The following COP1 variants were observed in gnomAD, a reference collection of about 807,000 sequenced individuals.
COP1 encodes the protein COP1 E3 ubiquitin ligase.
Under a neutral mutation model 101.3 loss-of-function variants are expected in COP1, and 24 were observed. The ratio of observed to expected loss-of-function variants is 0.24; its 90% CI spans 0.17 to 0.33. The LOEUF is 0.33. Ranked by LOEUF, COP1 falls within the 10% of genes least tolerant of loss-of-function variation. The pLI, the probability that COP1 is intolerant of heterozygous loss-of-function variation, is 1.00. For missense variants in COP1, 663 were observed against 906.2 expected, an observed-to-expected ratio of 0.73 and a Z score of 3.45; for synonymous variants, 347 against 341.9, an observed-to-expected ratio of 1.01 and a Z score of -0.17.
At chr1:175,985,613 C>A (rs1275176756) in intron 18 of COP1, among the ~76,000 whole-genome samples, 1 of 152,170 alleles carries the variant, frequency 6.6e-6, no homozygotes, top group Non-Finnish European at 1.5e-5. Flanking sequence ...TTTCACCCAC[C>A]CCACCAGAAC....
At chr1:176,116,709 T>C in intron 8 of COP1, 28 bp from the exon 9 acceptor site, 1 of 1,490,794 alleles carries the variant, frequency 6.7e-7, no homozygotes, top group Non-Finnish European at 9.3e-7. Flanking sequence ...AAAAATGTGA[T>C]TTCAGTATTT....
chr1:176,086,663 T>C (rs1201490411), intron 9 of COP1, among the ~76,000 whole-genome samples: 1 of 152,100 alleles, frequency 6.6e-6, no homozygotes, highest in African/African-American at 2.4e-5. Context: ...AGAATCAATA[T>C]TGTGAAAATG....
chr1:175,966,118 G>A (rs1158341875), intron 18 of COP1, among the ~76,000 whole-genome samples: 1 of 151,984 alleles, frequency 6.6e-6, no homozygotes, highest in Non-Finnish European at 1.5e-5. Flanking sequence ...AGTTGACTTG[G>A]TAAAAATATA....
intron 11 of COP1, among the ~76,000 whole-genome samples, chr1:176,066,877 C>T (rs1676079212): frequency 6.6e-6 from 1 of 151,964 alleles, no homozygotes; most frequent in Non-Finnish European, 1.5e-5. Flanking sequence ...GTGATTGATC[C>T]CCTCCGCCCT....
At chr1:176,064,954 C>A (rs1675650340) in intron 11 of COP1, among the ~76,000 whole-genome samples, 1 of 152,106 alleles carries the variant, frequency 6.6e-6, no homozygotes, top group Admixed American at 6.6e-5. Context: ...TAGTAGCTAC[C>A]ACTTCTTGCT....
chr1:176,156,090 G>A (rs113046806), intron 5 of COP1, among the ~76,000 whole-genome samples: 2,572 of 151,774 alleles, frequency 0.017, 67 homozygotes, highest in African/African-American at 0.058. Context: ...AAATAACAAT[G>A]TTTTAAAAAA....
At chr1:176,116,592 G>A in intron 9 of COP1, 32 bp downstream of exon 9, 1 of 1,505,100 alleles carries the variant, frequency 6.6e-7, no homozygotes, top group East Asian at 2.3e-5. Flanking sequence ...TATACTCATG[G>A]TATCATTAAA....
intron 11 of COP1, among the ~76,000 whole-genome samples, chr1:176,056,598 A>G (rs1673540022): frequency 6.6e-6 from 1 of 152,116 alleles, no homozygotes; most frequent in African/African-American, 2.4e-5. Context: ...CACAGTTTGA[A>G]GTTTTCAGAA....
At chr1:176,030,642 T>C (rs1423070332) in intron 14 of COP1, among the ~76,000 whole-genome samples, 1 of 152,146 alleles carries the variant, frequency 6.6e-6, no homozygotes, top group African/African-American at 2.4e-5. Flanking sequence ...ATATAAGATA[T>C]TAGAATTCAA....
intron 18 of COP1, among the ~76,000 whole-genome samples, chr1:175,952,760 A>C (rs1206361316): frequency 6.6e-6 from 1 of 152,032 alleles, no homozygotes; most frequent in East Asian, 1.9e-4. Context: ...AATAAAAAAA[A>C]ACATTAACCA....
chr1:176,052,813 A>G (rs1672796246), intron 11 of COP1, among the ~76,000 whole-genome samples: 1 of 152,188 alleles, frequency 6.6e-6, no homozygotes, highest in Non-Finnish European at 1.5e-5. Flanking sequence ...ATGAGATGAC[A>G]TCATATATAC....
chr1:175,984,916 T>G (rs1249856664), intron 18 of COP1, among the ~76,000 whole-genome samples: 1 of 152,218 alleles, frequency 6.6e-6, no homozygotes. Context: ...GCCTATATTC[T>G]CTTCATATCT....
chr1:176,160,255 CTTTTTTTTTT>C (rs67600151), intron 5 of COP1: 25 of 238,836 alleles, frequency 1.0e-4, no homozygotes, highest in Admixed American at 2.7e-4. Context: ...CCACACACAT[CTTTTTTTTTT>C]TTTTTTTTTT....
At chr1:176,150,506 G>C (rs957416358) in intron 5 of COP1, among the ~76,000 whole-genome samples, 2 of 152,150 alleles carry the variant, frequency 1.3e-5, no homozygotes, top group African/African-American at 4.8e-5. Context: ...TCTCAACAAT[G>C]ACGACAAAGC....
chr1:176,171,906 T>C (rs1307013696), intron 3 of COP1, among the ~76,000 whole-genome samples: 1 of 152,230 alleles, frequency 6.6e-6, no homozygotes, highest in Non-Finnish European at 1.5e-5. Context: ...AATAAAAAGC[T>C]TACTTATATA....
At chr1:176,163,968 A>G (rs1231500870) in intron 3 of COP1, 77 bp from the exon 4 acceptor site, 19 of 919,612 alleles carry the variant, frequency 2.1e-5, no homozygotes, top group Admixed American at 4.6e-5. Context: ...TTCGGTTTAG[A>G]TAGATTCTAT....
At chr1:176,141,857 A>G (rs575881164) in intron 6 of COP1, among the ~76,000 whole-genome samples, 1 of 151,846 alleles carries the variant, frequency 6.6e-6, no homozygotes, top group African/African-American at 2.4e-5. Context: ...CAGCCTCCCA[A>G]GTAGCGGGGA....
At chr1:175,971,014 TGAG>T (rs1220852544) in intron 18 of COP1, among the ~76,000 whole-genome samples, 1 of 151,934 alleles carries the variant, frequency 6.6e-6, no homozygotes, top group Non-Finnish European at 1.5e-5. Context: ...GGAACAGAAA[TGAG>T]GAGATGAAAA....
At chr1:176,143,086 G>C (rs1013608008) in intron 6 of COP1, among the ~76,000 whole-genome samples, 18 of 150,930 alleles carry the variant, frequency 1.2e-4, no homozygotes, top group African/African-American at 3.9e-4. Context: ...CCATATAATT[G>C]ATATATTCCT....
Sources: gnomAD v4.1 joint callset for allele counts (sites outside exome capture counted in the v4.1 genomes callset) on GRCh38, gnomAD v4.1.1 for gene constraint, MANE v1.5 for transcripts, NCBI Gene and HGNC (gene_info 2026-07-23, HGNC 2026-07-21) for gene names.